CACNB2: variants seen among roughly 807,000 people sequenced by gnomAD.
The protein encoded by CACNB2 is calcium voltage-gated channel auxiliary subunit beta 2.
A neutral mutation model predicts 73.3 loss-of-function variants in CACNB2; 42 were observed. The ratio of observed to expected loss-of-function variants is 0.57; its 90% confidence interval spans 0.45 to 0.74. The LOEUF is 0.74. Among genes scored for constraint, CACNB2 ranks in the 30% least tolerant of loss-of-function variants. The probability of loss-of-function intolerance (pLI) is 0.00; values close to 1 mark genes in which losing one functional copy is unlikely to be tolerated. For synonymous variants in CACNB2, 348 were observed against 310.3 expected (o/e 1.12, Z -1.28); for missense variants, 940 against 853.0 (o/e 1.10, Z -1.27).
chr10:18,454,469 A>C (rs577284325), intron 3 of CACNB2, among the ~76,000 whole-genome samples: 1 of 152,216 alleles, frequency 6.6e-6, no homozygotes, highest in African/African-American at 2.4e-5. Context: ...TAGGTACTGT[A>C]TGTGTATCTC....
intron 3 of CACNB2, among the ~76,000 whole-genome samples, chr10:18,406,730 A>C (rs1390005785): frequency 6.6e-6 from 1 of 152,192 alleles, no homozygotes; most frequent in African/African-American, 2.4e-5. Context: ...AATCAATGTA[A>C]TGTGCTTGAA....
chr10:18,420,812 G>T (rs545073675), intron 3 of CACNB2, among the ~76,000 whole-genome samples: 3 of 152,228 alleles, frequency 2.0e-5, no homozygotes, highest in East Asian at 3.9e-4. Flanking sequence ...TTAAACATTC[G>T]AGTTGGACCA....
intron 10 of CACNB2, among the ~76,000 whole-genome samples, chr10:18,531,283 C>T (rs183611813): frequency 1.3e-5 from 2 of 152,128 alleles, no homozygotes; most frequent in African/African-American, 4.8e-5. Context: ...AAGTTCCTAT[C>T]ACCCAGGTAT....
rs189149445 is a variant in CACNB2 at position 18,393,124 on chromosome 10, G to A, written c.214-8800G>A. ...CTCAGGAAGCTGAGGCAGGAGAATC[G>A]CTTGAACCCGGGAAGCGGAGATTGC... On this transcript the variant is annotated intron_variant, in intron 2 of 13. Coordinates refer to ENST00000324631, the MANE Select transcript of CACNB2 (RefSeq NM_201596.3). 6.0e-3 allele frequency among the ~76,000 whole-genome samples: 906 copies of A among 151,890 alleles called. 8 individuals are homozygous for A. Among genetic ancestry groups the A allele is most frequent in the Non-Finnish European group, 9.7e-3 (660 of 67,992 alleles).
chr10:18,511,947 A>G (rs1352247983), intron 6 of CACNB2, among the ~76,000 whole-genome samples: 1 of 152,176 alleles, frequency 6.6e-6, no homozygotes, highest in Non-Finnish European at 1.5e-5. Context: ...CAAGTCCCTT[A>G]AATTTTGAGT....
intron 2 of CACNB2, among the ~76,000 whole-genome samples, chr10:18,336,094 G>A (rs938502841): frequency 3.3e-5 from 5 of 152,104 alleles, no homozygotes; most frequent in African/African-American, 1.2e-4. Flanking sequence ...TTTAAAACTG[G>A]CATCTAAATA....
chr10:18,481,248 T>A (rs2048754753), intron 3 of CACNB2, among the ~76,000 whole-genome samples: 3 of 91,490 alleles, frequency 3.3e-5, no homozygotes, highest in Admixed American at 2.3e-4. Flanking sequence ...TTTTTTTTTT[T>A]TTTTTTTTTT....
chr10:18,183,855 C>T (rs757151169), intron 2 of CACNB2, among the ~76,000 whole-genome samples: 10 of 152,092 alleles, frequency 6.6e-5, no homozygotes, highest in Non-Finnish European at 1.3e-4. Flanking sequence ...GGTAGTTCAC[C>T]GAATGCCCTA....
At chr10:18,539,096 G>A in intron 13 of CACNB2, 134 bp from the exon 14 acceptor site, 1 of 1,094,568 alleles carries the variant, frequency 9.1e-7, no homozygotes, top group Non-Finnish European at 1.4e-6. Context: ...GTTACCAAAG[G>A]GATGAAGCTA....
intron 2 of CACNB2, among the ~76,000 whole-genome samples, chr10:18,399,787 C>T (rs1357435890): frequency 6.6e-6 from 1 of 152,004 alleles, no homozygotes; most frequent in Non-Finnish European, 1.5e-5. Context: ...ACAATGAGAG[C>T]ATTTTGTTTA....
chr10:18,431,791 G>A (rs778384753), intron 3 of CACNB2, among the ~76,000 whole-genome samples: 1 of 151,424 alleles, frequency 6.6e-6, no homozygotes, highest in Non-Finnish European at 1.5e-5. Context: ...TTGAGATGGA[G>A]TCTCGCTCTG....
At position 18,534,167 on chromosome 10, in the gene CACNB2, T is replaced by A; in HGVS notation, c.1146T>A (p.Ala382=). ...VLDADTINHP[A]QLSKTSLAPI... is the part of the protein sequence containing the mutation. ...ACGCGGATACAATTAATCATCCAGC[T>A]CAACTCAGTAAAACCTCCTTGGCCC... The change falls in exon 11 of 14, where the codon GCT becomes GCA. Residue 382 remains alanine, a synonymous_variant. Transcript: ENST00000324631. 1.9e-6 allele frequency: 3 copies of A among 1,613,840 alleles called. No homozygotes were observed. The highest frequency in any genetic ancestry group is 2.2e-5 in the South Asian group (2 of 91,074).
chr10:18,428,013 T>C (rs998690015), intron 3 of CACNB2, among the ~76,000 whole-genome samples: 1 of 152,182 alleles, frequency 6.6e-6, no homozygotes, highest in African/African-American at 2.4e-5. Flanking sequence ...GAACCTGGTT[T>C]TCTGTATCTC....
At chr10:18,403,771 A>G (rs2044134314) in intron 3 of CACNB2, among the ~76,000 whole-genome samples, 1 of 152,200 alleles carries the variant, frequency 6.6e-6, no homozygotes, top group Admixed American at 6.5e-5. Context: ...AAGAAAATGA[A>G]GAGACTTTAA....
At chr10:18,490,105 T>C (rs1237466608) in intron 3 of CACNB2, among the ~76,000 whole-genome samples, 1 of 152,152 alleles carries the variant, frequency 6.6e-6, no homozygotes, top group Non-Finnish European at 1.5e-5. Flanking sequence ...CTCAAACTCC[T>C]CGGCTCAAGC....
At chr10:18,277,246 G>A (rs928614471) in intron 2 of CACNB2, among the ~76,000 whole-genome samples, 1 of 152,112 alleles carries the variant, frequency 6.6e-6, no homozygotes, top group Non-Finnish European at 1.5e-5. Flanking sequence ...GGCACCGGGT[G>A]CAGACCGCAG....
chr10:18,524,232 T>G (rs549969631), intron 9 of CACNB2, among the ~76,000 whole-genome samples: 83 of 152,288 alleles, frequency 5.5e-4, no homozygotes, highest in African/African-American at 1.5e-3. Flanking sequence ...TTTTTTGTTT[T>G]GTTTTGTTTC....
chr10:18,521,780 G>T (rs2051911184), intron 9 of CACNB2, among the ~76,000 whole-genome samples: 1 of 152,206 alleles, frequency 6.6e-6, no homozygotes, highest in Non-Finnish European at 1.5e-5. Context: ...GGACCTGGAA[G>T]ATACAGGGCT....
chr10:18,525,287 C>T (rs1488139823), intron 9 of CACNB2, among the ~76,000 whole-genome samples: 2 of 152,008 alleles, frequency 1.3e-5, no homozygotes, highest in African/African-American at 4.8e-5. Context: ...CCCTTGATTT[C>T]TTTCAAGCTT....
Sources: gnomAD v4.1 joint callset for allele counts (sites outside exome capture counted in the v4.1 genomes callset) on GRCh38, gnomAD v4.1.1 for gene constraint, MANE v1.5 for transcripts, NCBI Gene and HGNC (gene_info 2026-07-23, HGNC 2026-07-21) for gene names.